DNAH1: variants seen among roughly 807,000 people sequenced by gnomAD.
The protein encoded by DNAH1 is axonemal beta dynein heavy chain 1.
Under a neutral mutation model 484.3 loss-of-function variants are expected in DNAH1, and 327 were observed. The ratio of observed to expected loss-of-function variants is 0.68; its 90% CI spans 0.62 to 0.74. DNAH1 has a LOEUF of 0.74. Among genes scored for constraint, DNAH1 ranks in the 30% least tolerant of loss-of-function variants. The pLI is 0.00. For synonymous variants in DNAH1, 2,192 were observed against 2,191.9 expected (o/e 1.00, Z 0.00); for missense variants, 5,052 against 5,546.8 (o/e 0.91, Z 2.83).
Position 52,366,431 on chromosome 3 carries a change from CTTGGGCCCCATG to C in DNAH1, c.5519-25_5519-14del. 5 of 1,565,866 alleles carry C rather than the reference CTTGGGCCCCATG, an allele frequency of 3.2e-6. No homozygotes were observed. The highest frequency in any genetic ancestry group is 4.3e-6 in the Non-Finnish European group (5 of 1,155,016). On this transcript the variant is annotated splice_polypyrimidine_tract_variant and intron_variant, in intron 34 of 77. Coordinates refer to ENST00000420323, the MANE Select transcript of DNAH1 (RefSeq NM_015512.5). ...CAGGACCCAAGCCCATGCTCTGACC[CTTGGGCCCCATG>C]CCATGTCCCCCAGGCTTCCTGACAA...
chr3:52,399,253 G>A, intron 76 of DNAH1, 52 bp downstream of exon 76: 5 of 1,525,446 alleles, frequency 3.3e-6, no homozygotes, highest in Non-Finnish European at 4.4e-6. Context: ...TACAGCCCAG[G>A]GAGGAGAGGC....
chr3:52,395,572 G>A lies in DNAH1; in HGVS notation c.11153G>A (p.Arg3718His), dbSNP rs371451336. The A allele has an allele frequency of 5.1e-5, 83 of 1,613,642 alleles. No individual in the cohort carries two copies. In the Middle Eastern group the frequency reaches 9.9e-4, roughly 19 times the overall value. The change falls in exon 70 of 78, where the codon CGC (arginine) becomes CAC (histidine). Residue 3718 changes from arginine to histidine, a missense_variant. Around this residue, in one of 4 missense-constraint regions of DNAH1, gnomAD observed 853 missense variants for 899.0 expected, o/e 0.95. Coordinates refer to ENST00000420323, the MANE Select transcript of DNAH1 (RefSeq NM_015512.5). This position sits in a 1 kb window ranked among gnomAD's most constrained non-coding sequence, Gnocchi z 4.4. ...GQGPRAEAMM[R>H]SSIERGKWVF... ...GGCCCTCGGGCAGAAGCCATGATGC[G>A]CAGCTCCATAGAGAGGGGCAAATGG...
At chr3:52,387,605 A>G (rs1192571348) in intron 56 of DNAH1, among the ~76,000 whole-genome samples, 1 of 152,188 alleles carries the variant, frequency 6.6e-6, no homozygotes, top group Non-Finnish European at 1.5e-5. Flanking sequence ...CCACAGGCCT[A>G]ATCAAGTCCC....
At position 52,355,198 on chromosome 3, in the gene DNAH1, G is replaced by A. The variant is rs1394063850; in HGVS notation, c.3693+143G>A. On this transcript the variant is annotated intron_variant, in intron 21 of 77. Transcript: ENST00000420323. This position sits in a 1 kb window ranked among gnomAD's most constrained non-coding sequence, Gnocchi z 4.5. ...CACACAGCCCCTGGCTCTCTGGCAGGCCCCGCCCTACTGCATTCAGAGGAG... is the reference window on the plus strand; with the variant it reads ...CACACAGCCCCTGGCTCTCTGGCAGACCCCGCCCTACTGCATTCAGAGGAG... 1 of 816,256 alleles carries A rather than the reference G, an allele frequency of 1.2e-6. No homozygotes were observed. Among genetic ancestry groups the A allele is most frequent in the Non-Finnish European group, 2.0e-6 (1 of 511,212 alleles). 50.6% of individuals were successfully genotyped at this position (816,256 alleles called of 1,614,324 possible). A position where few individuals can be genotyped will look rare whatever the true frequency, so the allele number is the denominator to read the frequency against.
chr3:52,385,396 C>T lies in DNAH1; in HGVS notation c.8574C>T (p.Pro2858=), dbSNP rs1435085952. The change falls in exon 54 of 78, where the codon CCC becomes CCT. Residue 2858 remains proline, a synonymous_variant. Coordinates refer to ENST00000420323, the MANE Select transcript of DNAH1 (RefSeq NM_015512.5). ...AGGAGGACCTGGAGAGTATGCACCCCCTGCTGGAGGAGGCTGCCAAGGACA... is the reference window on the plus strand; with the variant it reads ...AGGAGGACCTGGAGAGTATGCACCCTCTGCTGGAGGAGGCTGCCAAGGACA... ...KMQEDLESMH[P]LLEEAAKDTM... 2 of 1,552,944 alleles carry T rather than the reference C, an allele frequency of 1.3e-6. No homozygotes were observed. The highest frequency in any genetic ancestry group is 1.2e-5 in the South Asian group (1 of 84,102).
intron 12 of DNAH1, 74 bp from the exon 13 acceptor site, chr3:52,348,814 C>T: frequency 6.6e-7 from 1 of 1,524,490 alleles, no homozygotes; most frequent in Non-Finnish European, 8.9e-7. Context: ...CTCGGGAGGA[C>T]TCCCCATCTC....
intron 22 of DNAH1, 52 bp downstream of exon 22, chr3:52,356,830 C>A: frequency 6.5e-7 from 1 of 1,548,836 alleles, no homozygotes; most frequent in South Asian, 1.2e-5. Context: ...GGGCCCTGGT[C>A]ACATTGCTGG....
chr3:52,396,882 G>C lies in DNAH1; in HGVS notation c.11625G>C (p.Thr3875=), dbSNP rs755466126. Residue 3875 remains threonine (T), a synonymous_variant, in exon 73 of 78, where the codon ACG becomes ACC. Transcript: ENST00000420323. ...CCACCCCATAGGTCCTCAAGTACAC[G>C]GCAGGGGAGATCAATTACGGGGGCC... ...DDIPYKVLKY[T]AGEINYGGRV... is the part of the protein sequence containing the mutation. 2 of 1,274,230 alleles carry C rather than the reference G, an allele frequency of 1.6e-6. No individual in the cohort carries two copies. The highest frequency in any genetic ancestry group is 2.2e-6 in the Non-Finnish European group (2 of 929,122). The allele number at this position is 1,274,230 out of a possible 1,614,324, so 78.9% of individuals were successfully genotyped here. A position where few individuals can be genotyped will look rare whatever the true frequency, so the allele number is the denominator to read the frequency against.
At chr3:52,375,709 T>C (rs1703560736) in intron 45 of DNAH1, among the ~76,000 whole-genome samples, 1 of 152,194 alleles carries the variant, frequency 6.6e-6, no homozygotes, top group African/African-American at 2.4e-5. Flanking sequence ...CACACAGATA[T>C]GCACTCACTC....
At chr3:52,312,514 A>G (rs1392623891), upstream of DNAH1, among the ~76,000 whole-genome samples, 4 of 141,714 alleles carry the variant, frequency 2.8e-5, no homozygotes, top group East Asian at 8.1e-4. Context: ...TCTGTCACCC[A>G]AGCTGGAGCA....
At chr3:52,357,341 A>C (rs1702655008) in intron 22 of DNAH1, among the ~76,000 whole-genome samples, 3 of 152,156 alleles carry the variant, frequency 2.0e-5, no homozygotes, top group African/African-American at 7.2e-5. Context: ...GACGTGAGCC[A>C]CCATGCCCGG....
At chr3:52,386,565 A>G in intron 55 of DNAH1, 97 bp from the exon 56 acceptor site, 1 of 1,370,294 alleles carries the variant, frequency 7.3e-7, no homozygotes, top group South Asian at 1.5e-5. Context: ...CTGTGGTAGT[A>G]GAGACTTGGT....
In DNAH1 at chr3:52,381,652, A is replaced by G. The variant is rs763593323; in HGVS notation, c.7621A>G (p.Ile2541Val). 18 of 1,606,606 alleles carry G rather than the reference A, an allele frequency of 1.1e-5. No individual in the cohort carries two copies. Among genetic ancestry groups the G allele is most frequent in the Non-Finnish European group, 1.5e-5 (18 of 1,176,506 alleles). ...ITSESKMMQVIEEYIEDYNQI... is the reference protein window; with the variant it reads ...ITSESKMMQVVEEYIEDYNQI... ...CCTTGGTGCACAGATGATGCAGGTGATAGAGGAGTACATAGAGGACTACAA... is the reference window on the plus strand; with the variant it reads ...CCTTGGTGCACAGATGATGCAGGTGGTAGAGGAGTACATAGAGGACTACAA... Residue 2541 changes from isoleucine (I) to valine (V), a missense_variant, in exon 49 of 78, where the codon ATA (isoleucine) becomes GTA (valine). Around this residue, in one of 4 missense-constraint regions of DNAH1, gnomAD observed 2,929 missense variants for 3,409.4 expected, o/e 0.86. Coordinates refer to ENST00000420323, the MANE Select transcript of DNAH1 (RefSeq NM_015512.5). This position sits in a 1 kb window ranked among gnomAD's most constrained non-coding sequence, Gnocchi z 4.1.
chr3:52,353,658 C>T lies in DNAH1; in HGVS notation c.3480+25C>T. ...GGTGGGTAGCCACCAGCGGGCCCAG[C>T]CACTCCAGCCAGGCCCTGCCGGACA... On this transcript the variant is annotated intron_variant, in intron 20 of 77. Transcript: ENST00000420323. This position sits in a 1 kb window ranked among gnomAD's most constrained non-coding sequence, Gnocchi z 5.0. 2 of 1,562,948 alleles carry T rather than the reference C, an allele frequency of 1.3e-6. No homozygotes were observed. Among genetic ancestry groups the T allele is most frequent in the South Asian group, 2.4e-5 (2 of 85,046 alleles).
chr3:52,387,564 T>C (rs1290728136), intron 56 of DNAH1, among the ~76,000 whole-genome samples: 5 of 152,088 alleles, frequency 3.3e-5, no homozygotes, highest in Non-Finnish European at 7.4e-5. Flanking sequence ...TTCCTCCTTC[T>C]CCTCTTCCAT....
At chr3:52,398,723 C>T in intron 75 of DNAH1, 127 bp from the exon 76 acceptor site, 1 of 805,850 alleles carries the variant, frequency 1.2e-6, no homozygotes, top group African/African-American at 1.7e-5. Context: ...GGCCACCTGA[C>T]CCAGCTCTCT....
Position 52,349,267 on chromosome 3 carries a change from G to T in DNAH1, c.2373G>T (p.Glu791Asp). Residue 791 changes from glutamate (E) to aspartate (D), a missense_variant, in exon 14 of 78, where the codon GAG becomes GAT. Glu to Asp is a conservative substitution (Grantham distance 45). Transcript: ENST00000420323. ...EVVLTHLREK[E>D]ILDSSLPSSI... The stretch of plus-strand genomic sequence containing the variant: ...TGCTCACCCACCTGCGGGAGAAGGA[G>T]ATCCTGGACAGCTCGCTGCCCAGCA... The T allele has an allele frequency of 1.2e-6, 2 of 1,613,988 alleles. No individual in the cohort carries two copies. Among genetic ancestry groups the T allele is most frequent in the Middle Eastern group, 3.3e-4 (2 of 6,062 alleles).
At chr3:52,370,928 C>CT in intron 41 of DNAH1, 103 bp downstream of exon 41, 1 of 1,115,406 alleles carries the variant, frequency 9.0e-7, no homozygotes, top group Non-Finnish European at 1.3e-6. Context: ...ACATTGATGG[C>CT]CACCAGGTCT....
chr3:52,389,272 C>T (rs1280556905), intron 59 of DNAH1, among the ~76,000 whole-genome samples, 189 bp from the exon 60 acceptor site: 2 of 152,202 alleles, frequency 1.3e-5, no homozygotes, highest in East Asian at 1.9e-4. Context: ...TAGCTTTGCC[C>T]GTTTCACAGA....
Sources: gnomAD v4.1 joint callset for allele counts (sites outside exome capture counted in the v4.1 genomes callset) on GRCh38, gnomAD v4.1.1 for gene constraint, gnomAD v4.1.1 regional missense constraint, Gnocchi (gnomAD v3.1) non-coding constraint, MANE v1.5 for transcripts, NCBI Gene and HGNC (gene_info 2026-07-23, HGNC 2026-07-21) for gene names.